The following ATP8B4 variants were observed in gnomAD, a reference collection of about 807,000 sequenced individuals.
ATP8B4 encodes the protein probable phospholipid-transporting ATPase IM.
Under a neutral mutation model 145.6 loss-of-function variants are expected in ATP8B4, and 133 were observed. The ratio of observed to expected loss-of-function variants is 0.91; its 90% CI spans 0.79 to 1.05. ATP8B4 has a LOEUF of 1.05. Ranked by LOEUF, ATP8B4 falls within the 50% of genes least tolerant of loss-of-function variation. ATP8B4 has a pLI of 0.00. For missense variants in ATP8B4, 1,458 were observed against 1,425.2 expected (o/e 1.02, Z -0.37); for synonymous variants, 507 against 492.9 (o/e 1.03, Z -0.38).
chr15:50,126,573 T>A (rs1232367641), intron 1 of ATP8B4, among the ~76,000 whole-genome samples: 1 of 152,204 alleles, frequency 6.6e-6, no homozygotes, highest in Non-Finnish European at 1.5e-5. Context: ...GAACCAAACA[T>A]CTTATGACTA....
At chr15:50,067,411 G>C (rs989247252) in intron 3 of ATP8B4, among the ~76,000 whole-genome samples, 1 of 152,032 alleles carries the variant, frequency 6.6e-6, no homozygotes, top group African/African-American at 2.4e-5. Flanking sequence ...TGTAGTCTAA[G>C]GTCTGACTAC....
At chr15:50,172,644 G>A (rs980994275) in intron 1 of ATP8B4, among the ~76,000 whole-genome samples, 10 of 149,152 alleles carry the variant, frequency 6.7e-5, no homozygotes, top group Non-Finnish European at 1.3e-4. Flanking sequence ...CGGCCACCCA[G>A]TCTGGGAAGT....
chr15:50,082,103 T>C lies in ATP8B4; in HGVS notation c.29-7918A>G, dbSNP rs527238001. ...TAAATCAATAACTTAAGCTTCTTCCTTTCCTAATTTTCTTTCATTCTTCAT... is the reference window on the plus strand; with the variant it reads ...TAAATCAATAACTTAAGCTTCTTCCCTTCCTAATTTTCTTTCATTCTTCAT... On this transcript the variant is annotated intron_variant, in intron 2 of 27. Coordinates refer to ENST00000284509, the MANE Select transcript of ATP8B4 (RefSeq NM_024837.4). Among the ~76,000 whole-genome samples the C allele has an allele frequency of 3.9e-5, 6 of 152,336 alleles. No homozygotes were observed. In the South Asian group the frequency reaches 1.0e-3, roughly 26 times the overall value.
chr15:49,868,810 C>T (rs969881046), intron 25 of ATP8B4, among the ~76,000 whole-genome samples: 1 of 152,026 alleles, frequency 6.6e-6, no homozygotes, highest in Admixed American at 6.6e-5. Context: ...TGTGGAGTTC[C>T]ATTCTGCCAA....
chr15:50,132,201 A>G (rs996481273), intron 1 of ATP8B4, among the ~76,000 whole-genome samples: 1 of 152,190 alleles, frequency 6.6e-6, no homozygotes, highest in African/African-American at 2.4e-5. Flanking sequence ...CATGACTTTC[A>G]TAATAAAAAG....
chr15:50,103,591 CACAA>C (rs1359707185), intron 2 of ATP8B4, among the ~76,000 whole-genome samples: 4 of 152,008 alleles, frequency 2.6e-5, no homozygotes, highest in Non-Finnish European at 5.9e-5. Context: ...TCATAGATGA[CACAA>C]ACAAATGGAA....
At chr15:50,010,396 T>C (rs1228072867) in intron 7 of ATP8B4, among the ~76,000 whole-genome samples, 1 of 152,076 alleles carries the variant, frequency 6.6e-6, no homozygotes, top group African/African-American at 2.4e-5. Flanking sequence ...ACACATTTTC[T>C]AATTTTTAAG....
chr15:50,152,092 C>T (rs539968438), intron 1 of ATP8B4, among the ~76,000 whole-genome samples: 28 of 151,908 alleles, frequency 1.8e-4, no homozygotes, highest in African/African-American at 6.0e-4. Flanking sequence ...ACCCATGTTT[C>T]TTCATTAGAA....
chr15:50,080,870 T>G (rs1457213761), intron 2 of ATP8B4, among the ~76,000 whole-genome samples: 1 of 151,998 alleles, frequency 6.6e-6, no homozygotes, highest in Non-Finnish European at 1.5e-5. Flanking sequence ...TCCCAGCACT[T>G]TGGGAGGCCG....
intron 23 of ATP8B4, among the ~76,000 whole-genome samples, chr15:49,893,389 G>A (rs1259861379): frequency 6.6e-6 from 1 of 151,968 alleles, no homozygotes; most frequent in Non-Finnish European, 1.5e-5. Context: ...ACTAAGAGGT[G>A]GAAACAACCC....
chr15:49,996,231 G>A (rs2047412574), intron 9 of ATP8B4, among the ~76,000 whole-genome samples: 1 of 152,080 alleles, frequency 6.6e-6, no homozygotes, highest in African/African-American at 2.4e-5. Flanking sequence ...TAAGCGCCGT[G>A]CAAGGTACTG....
At chr15:49,963,569 T>C (rs1030727461) in intron 13 of ATP8B4, among the ~76,000 whole-genome samples, 1 of 152,216 alleles carries the variant, frequency 6.6e-6, no homozygotes, top group African/African-American at 2.4e-5. Flanking sequence ...TATGGAATAC[T>C]ATGCAGCCGT....
intron 9 of ATP8B4, among the ~76,000 whole-genome samples, chr15:49,988,451 C>T (rs1204107125): frequency 6.6e-6 from 1 of 151,350 alleles, no homozygotes. Context: ...GAGAGAGGGA[C>T]AGAGGGAGGA....
intron 6 of ATP8B4, 55 bp from the exon 7 acceptor site, chr15:50,010,972 C>T: frequency 4.1e-6 from 5 of 1,234,472 alleles, no homozygotes; most frequent in Non-Finnish European, 4.5e-6. Context: ...GAAAGTATAA[C>T]CAAGGGAATG....
rs539609522 is a variant in ATP8B4, at chr15:50,074,815, C to T, written c.29-630G>A. Among the ~76,000 whole-genome samples the T allele has an allele frequency of 2.7e-4, 41 of 152,202 alleles. 2 individuals are homozygous for T. The South Asian group carries it at 6.4e-3, about 24-fold the overall frequency. On this transcript the variant is annotated intron_variant, in intron 2 of 27. Transcript: ENST00000284509. ...AATAAACCTAAAGATTATGACAGTGCAGAATAAAAATTTGCAGAGGGCAAG... is the reference window on the plus strand; with the variant it reads ...AATAAACCTAAAGATTATGACAGTGTAGAATAAAAATTTGCAGAGGGCAAG...
intron 2 of ATP8B4, among the ~76,000 whole-genome samples, chr15:50,103,033 A>T (rs1440535303): frequency 1.3e-5 from 2 of 152,214 alleles, no homozygotes; most frequent in African/African-American, 4.8e-5. Context: ...GTATTTGACA[A>T]AATCCAGCAT....
At chr15:49,882,735 G>A (rs2153410221) in intron 23 of ATP8B4, among the ~76,000 whole-genome samples, 1 of 152,276 alleles carries the variant, frequency 6.6e-6, no homozygotes, top group Middle Eastern at 3.4e-3. Context: ...CAGAAGAAAT[G>A]TGACTATAAG....
At chr15:50,180,992 A>C (rs1414638878) in intron 1 of ATP8B4, among the ~76,000 whole-genome samples, 1 of 152,192 alleles carries the variant, frequency 6.6e-6, no homozygotes, top group African/African-American at 2.4e-5. Flanking sequence ...AGAATAAGCT[A>C]AGAGTTGGTT....
At chr15:50,131,742 A>G (rs1408992018) in intron 1 of ATP8B4, among the ~76,000 whole-genome samples, 3 of 143,852 alleles carry the variant, frequency 2.1e-5, no homozygotes, top group Non-Finnish European at 3.1e-5. Flanking sequence ...ATATTATTAT[A>G]TTCATATAAT....
Sources: gnomAD v4.1 joint callset for allele counts (sites outside exome capture counted in the v4.1 genomes callset) on GRCh38, gnomAD v4.1.1 for gene constraint, MANE v1.5 for transcripts, NCBI Gene and HGNC (gene_info 2026-07-23, HGNC 2026-07-21) for gene names.